RSPH14: variants seen among roughly 807,000 people sequenced by gnomAD.
The protein encoded by RSPH14 is radial spoke head 14 homolog, also known as rhabdoid tumor deletion region gene 1.
A neutral mutation model predicts 26.7 loss-of-function variants in RSPH14; 20 were observed. The ratio of observed to expected loss-of-function variants is 0.75; its 90% confidence interval spans 0.53 to 1.09. The LOEUF (loss-of-function observed/expected upper bound fraction) is 1.09, where lower values mean the gene tolerates loss of function less well. Ranked by LOEUF, RSPH14 falls within the 50% of genes least tolerant of loss-of-function variation. The probability of loss-of-function intolerance (pLI) is 0.00; values close to 1 mark genes in which losing one functional copy is unlikely to be tolerated. For synonymous variants in RSPH14, 177 were observed against 189.3 expected (o/e 0.93, Z 0.53); for missense variants, 449 against 457.2 (o/e 0.98, Z 0.16).
At chr22:23,123,894 C>A (rs1014736386) in intron 4 of RSPH14, 3 of 213,178 alleles carry the variant, frequency 1.4e-5, no homozygotes, top group African/African-American at 4.6e-5. Flanking sequence ...GGGACCTTGC[C>A]GCTGACCAAG....
chr22:23,134,686 A>AGTG, intron 3 of RSPH14, among the ~76,000 whole-genome samples: 1 of 150,568 alleles, frequency 6.6e-6, no homozygotes, highest in East Asian at 2.0e-4. Flanking sequence ...CCAACATGGC[A>AGTG]AAACCCCGTC....
At chr22:23,163,606 G>GCCCCCCCCCCCC in the RSPH14 span, 61 of 125,178 alleles carry the variant, frequency 4.9e-4, 3 homozygotes, top group Non-Finnish European at 8.3e-4. Flanking sequence ...CAAGGTGAAA[G>GCCCCCCCCCCCC]CCCCCCCCCC....
chr22:23,156,071 C>T, the RSPH14 span: 1 of 1,565,164 alleles, frequency 6.4e-7, no homozygotes, highest in Non-Finnish European at 8.7e-7. Context: ...CTGCATGCAG[C>T]AGCGGGGTCC....
chr22:23,153,197 G>A, the RSPH14 span: 6 of 1,249,660 alleles, frequency 4.8e-6, no homozygotes, highest in African/African-American at 5.9e-5. Flanking sequence ...GAAAGGATTT[G>A]GGGAGCTCCT....
intron 4 of RSPH14, among the ~76,000 whole-genome samples, chr22:23,116,071 G>C (rs1164835660): frequency 2.6e-5 from 4 of 152,270 alleles, no homozygotes; most frequent in South Asian, 4.1e-4. Context: ...ACAGGTGCCA[G>C]CCTCTGTCAT....
chr22:23,120,733 G>A (rs977371406), intron 4 of RSPH14, among the ~76,000 whole-genome samples: 4 of 151,908 alleles, frequency 2.6e-5, no homozygotes, highest in East Asian at 1.9e-4. Context: ...CCCGGAGGAA[G>A]CCCCCTACCC....
rs1569192493 is a variant in RSPH14 at position 23,130,085 on chromosome 22, A to AAAGAAAG, written c.421+3940_421+3941insCTTTCTT. 3.3e-3 allele frequency among the ~76,000 whole-genome samples: 31 copies of AAAGAAAG among 9,396 alleles called. 1 individual carries two copies. Among genetic ancestry groups the AAAGAAAG allele is most frequent in the African/African-American group, 7.0e-3 (29 of 4,172 alleles). The allele number at this position is 9,396 out of a possible 152,430, so 6.2% of individuals were successfully genotyped here. A position where few individuals can be genotyped will look rare whatever the true frequency, so the allele number is the denominator to read the frequency against. On this transcript the variant is annotated intron_variant, in intron 4 of 6. Transcript: ENST00000216036. ...AAAGAAAGAAAGAAAGAAAGAAAGG[A>AAAGAAAG]AGAAAGAAAGAAAGAAAGAAAGAAA...
the RSPH14 span, among the ~76,000 whole-genome samples, chr22:23,168,993 C>T: frequency 6.6e-6 from 1 of 152,220 alleles, no homozygotes; most frequent in Non-Finnish European, 1.5e-5. Context: ...GGAACGAGCT[C>T]ATCTTGTCCC....
At chr22:23,170,839 AT>A in the RSPH14 span, among the ~76,000 whole-genome samples, 1 of 151,944 alleles carries the variant, frequency 6.6e-6, no homozygotes, top group African/African-American at 2.4e-5. Context: ...ATATATATAT[AT>A]ATATACCTAC....
chr22:23,128,107 G>T (rs144789703), intron 4 of RSPH14, among the ~76,000 whole-genome samples: 1 of 152,204 alleles, frequency 6.6e-6, no homozygotes, highest in Non-Finnish European at 1.5e-5. Context: ...ACTCACAGGT[G>T]TGCCCAGTCA....
At chr22:23,119,727 C>T (rs180728497) in intron 4 of RSPH14, among the ~76,000 whole-genome samples, 93 of 152,350 alleles carry the variant, frequency 6.1e-4, no homozygotes, top group Middle Eastern at 3.4e-3. Context: ...GTGCTTCCCA[C>T]GCTCTGAAGC....
intron 4 of RSPH14, among the ~76,000 whole-genome samples, chr22:23,106,797 G>A (rs1015730053): frequency 3.3e-5 from 5 of 152,236 alleles, no homozygotes; most frequent in African/African-American, 7.2e-5. Flanking sequence ...GAGGAAACTC[G>A]GGTTTCAGGA....
At chr22:23,143,338 T>A (rs1001018035), upstream of RSPH14, among the ~76,000 whole-genome samples, 16 of 148,954 alleles carry the variant, frequency 1.1e-4, no homozygotes, top group African/African-American at 3.2e-4. Flanking sequence ...TAAATAGATA[T>A]AATTTTAAAA....
At chr22:23,161,527 A>G in the RSPH14 span, 2 of 1,612,820 alleles carry the variant, frequency 1.2e-6, no homozygotes, top group Admixed American at 1.7e-5. Context: ...CCCGAGACCC[A>G]GGAGAGCAAG....
At chr22:23,098,202 TG>T (rs1336609450) in intron 4 of RSPH14, among the ~76,000 whole-genome samples, 3 of 152,258 alleles carry the variant, frequency 2.0e-5, no homozygotes, top group Non-Finnish European at 4.4e-5. Flanking sequence ...CAGCTTGTTT[TG>T]CTCCAGCAGT....
At chr22:23,102,196 G>A (rs577216875) in intron 4 of RSPH14, among the ~76,000 whole-genome samples, 2 of 152,344 alleles carry the variant, frequency 1.3e-5, no homozygotes, top group African/African-American at 2.4e-5. Flanking sequence ...GCCTTCAGCC[G>A]CTCTGAGCCT....
At position 23,084,317 on chromosome 22, in the gene RSPH14, C is replaced by T. The variant is rs142418638; in HGVS notation, c.422-20184G>A. Among the ~76,000 whole-genome samples the T allele has an allele frequency of 9.4e-3, 1,424 of 152,260 alleles. 14 individuals are homozygous for T. The highest frequency in any genetic ancestry group is 0.014 in the Non-Finnish European group (975 of 68,004). On this transcript the variant is annotated intron_variant, in intron 4 of 6. Transcript: ENST00000216036. ...TTCATTCTGATTCTCCCTGTCAGTACGGTATTCAGTAAATTCCACAAGATA... is the reference window on the plus strand; with the variant it reads ...TTCATTCTGATTCTCCCTGTCAGTATGGTATTCAGTAAATTCCACAAGATA...
chr22:23,093,841 T>C (rs951105885), intron 4 of RSPH14, among the ~76,000 whole-genome samples: 3 of 151,938 alleles, frequency 2.0e-5, no homozygotes, highest in Non-Finnish European at 1.5e-5. Context: ...AGGGAGCAGG[T>C]GTGAGAGGCC....
chr22:23,148,913 T>C (rs2070952038), upstream of RSPH14, among the ~76,000 whole-genome samples: 1 of 152,226 alleles, frequency 6.6e-6, no homozygotes. Context: ...GCTAAGCTGC[T>C]CACCTGCATT....
Sources: gnomAD v4.1 joint callset for allele counts (sites outside exome capture counted in the v4.1 genomes callset) on GRCh38, gnomAD v4.1.1 for gene constraint, MANE v1.5 for transcripts, NCBI Gene and HGNC (gene_info 2026-07-23, HGNC 2026-07-21) for gene names.